SPRY3: variants seen among roughly 807,000 people sequenced by gnomAD.
SPRY3 encodes protein sprouty homolog 3.
SPRY3 carries 15 observed loss-of-function variants against 20.2 expected under a neutral mutation model. That is an observed-to-expected ratio of 0.74 (90% CI 0.50 to 1.14). SPRY3 has a LOEUF of 1.14. SPRY3 is among the 50% of genes most tolerant of loss of function. The pLI, the probability that SPRY3 is intolerant of heterozygous loss-of-function variation, is 0.00. For missense variants in SPRY3, 364 were observed against 363.9 expected (o/e 1.00, Z 0.00); for synonymous variants, 143 against 136.5 (o/e 1.05, Z -0.33).
intron 2 of SPRY3, among the ~76,000 whole-genome samples, chrX:155,716,385 C>G (rs2091022722): frequency 6.6e-6 from 1 of 152,018 alleles, no homozygotes; most frequent in African/African-American, 2.4e-5. Flanking sequence ...TTAGTTTCAT[C>G]TAGTTCTTTA....
intron 2 of SPRY3, among the ~76,000 whole-genome samples, chrX:155,719,869 G>A (rs151000645): frequency 2.6e-3 from 393 of 152,148 alleles, no homozygotes; most frequent in African/African-American, 8.6e-3. Context: ...AGACATTCCC[G>A]GCTGTGGTGG....
chrX:155,616,341 A>G (rs892246257), intron 1 of SPRY3, among the ~76,000 whole-genome samples: 4 of 110,310 alleles, frequency 3.6e-5, no homozygotes, highest in African/African-American at 9.9e-5. Context: ...CTGAAAAGCA[A>G]ATCTACAGAT....
At chrX:155,735,877 T>C (rs1391770091) in intron 2 of SPRY3, among the ~76,000 whole-genome samples, 1 of 151,884 alleles carries the variant, frequency 6.6e-6, no homozygotes, top group Non-Finnish European at 1.5e-5. Flanking sequence ...ACCGGTTCTT[T>C]ATCTTTTTCT....
intron 2 of SPRY3, among the ~76,000 whole-genome samples, chrX:155,727,095 G>A (rs2124560069): frequency 6.6e-6 from 1 of 152,238 alleles, no homozygotes; most frequent in South Asian, 2.1e-4. Flanking sequence ...ACTCTGGGTT[G>A]AAAATTATTT....
intron 2 of SPRY3, among the ~76,000 whole-genome samples, chrX:155,756,340 G>A (rs1263478553): frequency 6.6e-6 from 1 of 152,082 alleles, no homozygotes; most frequent in Non-Finnish European, 1.5e-5. Context: ...TGGTGTGTAT[G>A]TGGAGCAGGG....
intron 1 of SPRY3, among the ~76,000 whole-genome samples, chrX:155,631,256 T>G (rs2067905579): frequency 8.9e-6 from 1 of 112,453 alleles, no homozygotes. Context: ...TGTATCCATA[T>G]TTCTCCAAAG....
chrX:155,772,910 G>A (rs1403145928), intron 3 of SPRY3, among the ~76,000 whole-genome samples: 1 of 152,034 alleles, frequency 6.6e-6, no homozygotes, highest in East Asian at 1.9e-4. Context: ...AGGTGACTTA[G>A]GATAGTAATA....
intron 1 of SPRY3, among the ~76,000 whole-genome samples, chrX:155,630,938 G>A (rs2067904319): frequency 9.1e-6 from 1 of 109,685 alleles, no homozygotes; most frequent in African/African-American, 3.3e-5. Context: ...TCCTTTGATT[G>A]TATTTTTTTT....
chrX:155,740,680 C>A (rs2091199620), intron 2 of SPRY3, among the ~76,000 whole-genome samples: 1 of 152,126 alleles, frequency 6.6e-6, no homozygotes, highest in Non-Finnish European at 1.5e-5. Context: ...AGATGTTTAT[C>A]AAGACAATAA....
intron 2 of SPRY3, among the ~76,000 whole-genome samples, chrX:155,741,285 G>C (rs1185527317): frequency 6.6e-6 from 1 of 151,906 alleles, no homozygotes; most frequent in Admixed American, 6.6e-5. Flanking sequence ...AAATAAGACA[G>C]GTGGACAAGA....
intron 2 of SPRY3, among the ~76,000 whole-genome samples, chrX:155,692,166 TAGTAAATGG>T (rs1569562638): frequency 1.8e-5 from 2 of 109,563 alleles, no homozygotes; most frequent in African/African-American, 6.8e-5. Context: ...AAAGAGGGAA[TAGTAAATGG>T]GTACAGCTTT....
intron 2 of SPRY3, among the ~76,000 whole-genome samples, chrX:155,724,756 A>T (rs2091085966): frequency 6.6e-6 from 1 of 152,186 alleles, no homozygotes; most frequent in Admixed American, 6.5e-5. Context: ...CAATCATGTC[A>T]TCTGCAAACA....
intron 2 of SPRY3, among the ~76,000 whole-genome samples, chrX:155,739,141 G>A (rs1454519877): frequency 6.6e-6 from 1 of 152,158 alleles, no homozygotes; most frequent in East Asian, 1.9e-4. Flanking sequence ...GTACAGACCA[G>A]CAGGAGTTCT....
chrX:155,733,143 C>T (rs5940566), intron 2 of SPRY3, among the ~76,000 whole-genome samples: 4,450 of 151,732 alleles, frequency 0.029, 82 homozygotes, highest in Non-Finnish European at 0.042. Flanking sequence ...TTTAAGATAA[C>T]TAAAAGAGTA....
chrX:155,633,887 G>A (rs1557350732), intron 1 of SPRY3, among the ~76,000 whole-genome samples: 2 of 111,513 alleles, frequency 1.8e-5, no homozygotes, highest in Non-Finnish European at 1.9e-5. Flanking sequence ...TAACAGAATA[G>A]TAAACCACCA....
intron 2 of SPRY3, among the ~76,000 whole-genome samples, chrX:155,730,689 G>T (rs749731721): frequency 1.1e-4 from 17 of 151,930 alleles, no homozygotes; most frequent in Admixed American, 1.1e-3. Context: ...AAGAAATAAA[G>T]GGCCTCCAAA....
exon 3 of SPRY3, chrX:155,768,077 G>C (rs1346817470): frequency 3.3e-5 from 5 of 152,136 alleles, no homozygotes; most frequent in Admixed American, 6.5e-5. Context: ...GAGATCCTTT[G>C]AGCCAGATGG....
In SPRY3 at chrX:155,690,707, C is replaced by T. The variant is rs2068100202; in HGVS notation, c.-282+33682C>T. Among the ~76,000 whole-genome samples, 2 of 86,869 alleles carry T rather than the reference C, an allele frequency of 2.3e-5. 1 individual carries two copies. The highest frequency in any genetic ancestry group is 1.1e-4 in the African/African-American group (2 of 17,978). The allele number at this position is 86,869 out of a possible 115,157, so 75.4% of individuals were successfully genotyped here. A position where few individuals can be genotyped will look rare whatever the true frequency, so the allele number is the denominator to read the frequency against. ...GATTCATAAAGCAGGTTCTTAGAGA[C>T]CTTCAAAAAGACTTAGACTCCCACA... is the stretch of plus-strand genomic sequence containing the variant. On this transcript the variant is annotated intron_variant, in intron 2 of 3. Transcript: ENST00000675360.
chrX:155,721,514 T>G (rs2091057719), intron 2 of SPRY3, among the ~76,000 whole-genome samples: 2 of 151,752 alleles, frequency 1.3e-5, no homozygotes, highest in South Asian at 4.2e-4. Flanking sequence ...ATAATCAAAC[T>G]CCCAAAGGTC....
Sources: allele counts gnomAD v4.1 joint callset (sites outside exome capture counted in the v4.1 genomes callset), GRCh38; gene constraint gnomAD v4.1.1; transcripts MANE v1.5; gene names NCBI Gene and HGNC (gene_info 2026-07-23, HGNC 2026-07-21).